The following PPP2R2B variants were observed in gnomAD, a reference collection of about 807,000 sequenced individuals.
PPP2R2B encodes protein phosphatase 2 regulatory subunit Bbeta.
In PPP2R2B, 5 loss-of-function variants were observed where a neutral mutation model predicts 46.0. That is an observed-to-expected ratio of 0.11 (90% confidence interval 0.06 to 0.23). PPP2R2B has a LOEUF of 0.23. PPP2R2B is among the 10% of genes least tolerant of loss of function. The pLI, the probability that PPP2R2B is intolerant of heterozygous loss-of-function variation, is 1.00. For missense variants in PPP2R2B, 367 were observed against 575.0 expected (o/e 0.64, Z 3.70); for synonymous variants, 215 against 206.7 (o/e 1.04, Z -0.34).
At position 146,822,535 on chromosome 5, in the gene PPP2R2B, G is replaced by GTT. The variant is rs368081191; in HGVS notation, c.70+55465_70+55466dup. Among the ~76,000 whole-genome samples, 571 of 125,276 alleles carry GTT rather than the reference G, an allele frequency of 4.6e-3. 7 individuals are homozygous for GTT. Among genetic ancestry groups the GTT allele is most frequent in the African/African-American group, 0.016 (538 of 34,236 alleles). 82.2% of individuals were successfully genotyped at this position (125,276 alleles called of 152,430 possible). A position where few individuals can be genotyped will look rare whatever the true frequency, so the allele number is the denominator to read the frequency against. On this transcript the variant is annotated intron_variant, in intron 2 of 9. Transcript: ENST00000394411. ...ATTCCCTAAATTTTCTTCATTTTTG[G>GTT]TTTTTTTTTTTTTTTTGCTTTTTAG...
chr5:146,735,970 T>A (rs1752510420), intron 2 of PPP2R2B, among the ~76,000 whole-genome samples: 1 of 152,218 alleles, frequency 6.6e-6, no homozygotes, highest in African/African-American at 2.4e-5. Flanking sequence ...AGTTTGGCTG[T>A]GTCCCCACCC....
intron 7 of PPP2R2B, among the ~76,000 whole-genome samples, chr5:146,605,692 T>C (rs979050367): frequency 6.6e-6 from 1 of 152,238 alleles, no homozygotes; most frequent in Non-Finnish European, 1.5e-5. Context: ...CTGCCCCTGG[T>C]TGAGAATCAC....
intron 7 of PPP2R2B, among the ~76,000 whole-genome samples, chr5:146,631,672 G>A (rs915014929): frequency 2.0e-5 from 3 of 152,140 alleles, no homozygotes; most frequent in African/African-American, 7.2e-5. Flanking sequence ...ATTAAAGTCT[G>A]CTTTGTTCAG....
chr5:146,740,137 C>T (rs1752779314), intron 2 of PPP2R2B, among the ~76,000 whole-genome samples: 1 of 152,136 alleles, frequency 6.6e-6, no homozygotes, highest in Admixed American at 6.6e-5. Context: ...AAAGACTTCT[C>T]AGAGGTGAAA....
intron 1 of PPP2R2B, chr5:147,081,191 T>A: frequency 6.5e-7 from 1 of 1,534,424 alleles, no homozygotes; most frequent in Non-Finnish European, 8.7e-7. Context: ...CAGTTGTTCT[T>A]AAGAGACCAA....
At chr5:147,049,030 T>TA (rs926685551) in intron 1 of PPP2R2B, among the ~76,000 whole-genome samples, 13 of 150,580 alleles carry the variant, frequency 8.6e-5, no homozygotes, top group Non-Finnish European at 1.8e-4. Flanking sequence ...ATAAATAGGG[T>TA]AAAACTAGCT....
At chr5:146,921,957 A>G (rs1582432394) in intron 1 of PPP2R2B, among the ~76,000 whole-genome samples, 2 of 152,186 alleles carry the variant, frequency 1.3e-5, no homozygotes, top group African/African-American at 4.8e-5. Context: ...AATATTTACA[A>G]CAGCCACTTA....
Position 146,598,667 on chromosome 5 carries a change from C to T in PPP2R2B, c.960+1624G>A, listed in dbSNP as rs570499891. 1.1e-3 allele frequency among the ~76,000 whole-genome samples: 171 copies of T among 152,294 alleles called. 1 individual carries two copies. The highest frequency in any genetic ancestry group is 1.7e-3 in the South Asian group (8 of 4,826). On this transcript the variant is annotated intron_variant, in intron 8 of 9. Coordinates refer to ENST00000394411, the MANE Select transcript of PPP2R2B (RefSeq NM_181675.4). ...AATTTTGGAGTAATCCTTGATGCTT[C>T]TTTCTTTTCCTGTTATATCCCGCAT...
chr5:147,055,522 T>C, intron 1 of PPP2R2B: 3 of 691,120 alleles, frequency 4.3e-6, no homozygotes, highest in Non-Finnish European at 7.5e-6. Context: ...CAGAAGCAGA[T>C]CTAAGTCTGT....
chr5:146,804,138 G>A (rs1470222245), intron 2 of PPP2R2B, among the ~76,000 whole-genome samples: 2 of 151,696 alleles, frequency 1.3e-5, no homozygotes, highest in Admixed American at 1.3e-4. Flanking sequence ...CTGCACTCCA[G>A]CCTGGGTGAC....
chr5:146,829,712 AG>A (rs1758805942), intron 2 of PPP2R2B, among the ~76,000 whole-genome samples: 1 of 152,228 alleles, frequency 6.6e-6, no homozygotes, highest in African/African-American at 2.4e-5. Context: ...TAAGAAAACC[AG>A]GATGTCTCAA....
intron 2 of PPP2R2B, among the ~76,000 whole-genome samples, chr5:146,809,393 C>T (rs539106150): frequency 2.6e-5 from 4 of 151,818 alleles, no homozygotes; most frequent in African/African-American, 9.7e-5. Context: ...AGTTCTGGGT[C>T]TCAAAGAGCA....
chr5:146,638,226 C>T (rs770598013), intron 7 of PPP2R2B, 25 bp downstream of exon 7: 2 of 1,606,558 alleles, frequency 1.2e-6, no homozygotes, highest in Non-Finnish European at 1.7e-6. Context: ...GCCATGCCCC[C>T]CACCTCCCTT....
At chr5:147,011,559 T>C (rs1486827993) in intron 1 of PPP2R2B, among the ~76,000 whole-genome samples, 1 of 152,050 alleles carries the variant, frequency 6.6e-6, no homozygotes, top group Non-Finnish European at 1.5e-5. Flanking sequence ...CCTAATTGAA[T>C]ACCCTTTATT....
intron 2 of PPP2R2B, among the ~76,000 whole-genome samples, chr5:146,735,546 A>G (rs186186597): frequency 1.3e-5 from 2 of 152,320 alleles, no homozygotes; most frequent in South Asian, 2.1e-4. Flanking sequence ...TCTAAATCAG[A>G]GCAGGTTTTA....
intron 8 of PPP2R2B, among the ~76,000 whole-genome samples, chr5:146,595,114 C>T (rs1224275056): frequency 6.6e-6 from 1 of 152,214 alleles, no homozygotes; most frequent in Non-Finnish European, 1.5e-5. Flanking sequence ...TACTCTCTCA[C>T]TTCCAAACAG....
chr5:147,012,392 G>A, intron 1 of PPP2R2B, among the ~76,000 whole-genome samples: 1 of 151,882 alleles, frequency 6.6e-6, no homozygotes, highest in Non-Finnish European at 1.5e-5. Context: ...TTCTCTGATG[G>A]TAGTTTGTAT....
chr5:146,714,036 G>A (rs1474170590), intron 2 of PPP2R2B, among the ~76,000 whole-genome samples: 1 of 151,864 alleles, frequency 6.6e-6, no homozygotes, highest in African/African-American at 2.4e-5. Flanking sequence ...TAAATGAAGA[G>A]GACCAAGAGC....
chr5:146,881,955 A>T (rs1176746152), upstream of PPP2R2B, among the ~76,000 whole-genome samples: 1 of 152,134 alleles, frequency 6.6e-6, no homozygotes, highest in East Asian at 1.9e-4. Context: ...ATGCATATAT[A>T]CGATCAAAAT....
Sources: allele counts gnomAD v4.1 joint callset (sites outside exome capture counted in the v4.1 genomes callset), GRCh38; gene constraint gnomAD v4.1.1; transcripts MANE v1.5; gene names NCBI Gene and HGNC (gene_info 2026-07-23, HGNC 2026-07-21).